FCHO2: variants seen among roughly 807,000 people sequenced by gnomAD.
The protein encoded by FCHO2 is F-BAR domain only protein 2.
Under a neutral mutation model 114.1 loss-of-function variants are expected in FCHO2, and 43 were observed. That is an observed-to-expected ratio of 0.38 (90% CI 0.30 to 0.49). The LOEUF (loss-of-function observed/expected upper bound fraction) is 0.49, where lower values mean the gene tolerates loss of function less well. FCHO2 is among the 20% of genes least tolerant of loss of function. FCHO2 has a pLI of 0.97. For missense variants in FCHO2, 807 were observed against 950.4 expected, an observed-to-expected ratio of 0.85 and a Z score of 1.98; for synonymous variants, 293 against 315.2, an observed-to-expected ratio of 0.93 and a Z score of 0.75.
At chr5:73,003,962 C>T (rs1249800975) in intron 5 of FCHO2, among the ~76,000 whole-genome samples, 1 of 148,268 alleles carries the variant, frequency 6.7e-6, no homozygotes, top group African/African-American at 2.5e-5. Context: ...GCAGGAGAAG[C>T]GCTTGAATCC....
intron 16 of FCHO2, among the ~76,000 whole-genome samples, chr5:73,056,345 T>C (rs1228550213): frequency 1.3e-5 from 2 of 152,180 alleles, no homozygotes; most frequent in African/African-American, 4.8e-5. Context: ...TTAGGGTTCA[T>C]TCTTGGTGTT....
At chr5:73,025,427 G>C (rs893498333) in intron 8 of FCHO2, among the ~76,000 whole-genome samples, 1 of 147,154 alleles carries the variant, frequency 6.8e-6, no homozygotes, top group South Asian at 2.2e-4. Context: ...TGCCCAGGCT[G>C]GAGTGCAGTG....
Position 73,088,071 on chromosome 5 carries a change from G to T in FCHO2, c.2414G>T (p.Arg805Leu). ...AGGTCTGCTTGGCGTTTTTCAGGAC[G>T]ATACCTGGCGGATTGTTGATGGACC... ...SLIKKRFATG[R>L]YLADC The change falls in exon 26 of 26, where the codon CGA (arginine) becomes CTA (leucine). Residue 805 changes from arginine to leucine, a missense_variant. Coordinates refer to ENST00000430046, the MANE Select transcript of FCHO2 (RefSeq NM_138782.3). 3.1e-6 allele frequency: 5 copies of T among 1,613,496 alleles called. No homozygotes were observed. The highest frequency in any genetic ancestry group is 2.2e-5 in the East Asian group (1 of 44,856).
chr5:73,052,938 C>A, intron 13 of FCHO2: 1 of 153,598 alleles, frequency 6.5e-6, no homozygotes, highest in Non-Finnish European at 1.4e-5. Flanking sequence ...ACTTTTCATA[C>A]AAGGAAAGGC....
rs1418339472 is a variant in FCHO2, at chr5:73,085,970, G to A, written c.2246-1619G>A. ...AAACCCTGTCTCTACTAAAAATACA[G>A]AATTAGCCAGGCATGGTGGTGTGCG... is the stretch of plus-strand genomic sequence containing the variant. On this transcript the variant is annotated intron_variant, in intron 24 of 25. Coordinates refer to ENST00000430046, the MANE Select transcript of FCHO2 (RefSeq NM_138782.3). 3.3e-5 allele frequency among the ~76,000 whole-genome samples: 5 copies of A among 150,608 alleles called. No individual in the cohort carries two copies. In the East Asian group the frequency reaches 9.9e-4, roughly 30 times the overall value.
chr5:73,056,125 A>G lies in FCHO2; in HGVS notation c.1253+18A>G, dbSNP rs1243825691. 7 of 1,520,026 alleles carry G rather than the reference A, an allele frequency of 4.6e-6. No homozygotes were observed. The highest frequency in any genetic ancestry group is 6.2e-6 in the Non-Finnish European group (7 of 1,134,286). The allele number at this position is 1,520,026 out of a possible 1,614,324, so 94.2% of individuals were successfully genotyped here. A position where few individuals can be genotyped will look rare whatever the true frequency, so the allele number is the denominator to read the frequency against. Reference sequence around the variant, plus strand: ...CCCAATGAGTAAGTTTCCATGTTTAATTTTGTTAAAAAATAGACTTTATTT... The same window carrying G: ...CCCAATGAGTAAGTTTCCATGTTTAGTTTTGTTAAAAAATAGACTTTATTT... On this transcript the variant is annotated intron_variant, in intron 16 of 25. Coordinates refer to ENST00000430046, the MANE Select transcript of FCHO2 (RefSeq NM_138782.3).
At chr5:73,040,792 G>A (rs564489681) in intron 10 of FCHO2, among the ~76,000 whole-genome samples, 77 of 152,280 alleles carry the variant, frequency 5.1e-4, no homozygotes, top group African/African-American at 1.8e-3. Flanking sequence ...TGAAACTGAA[G>A]TGTTTAAAAA....
At chr5:73,064,224 C>T (rs530008437) in intron 18 of FCHO2, among the ~76,000 whole-genome samples, 3 of 151,990 alleles carry the variant, frequency 2.0e-5, no homozygotes, top group Non-Finnish European at 4.4e-5. Context: ...AATAAAGAAG[C>T]GGTTTTCATA....
intron 6 of FCHO2, among the ~76,000 whole-genome samples, chr5:73,013,088 G>T (rs924355272): frequency 6.6e-6 from 1 of 152,184 alleles, no homozygotes; most frequent in East Asian, 1.9e-4. Flanking sequence ...ATGCTCCTCA[G>T]TTCTTGAGAG....
intron 8 of FCHO2, among the ~76,000 whole-genome samples, chr5:73,019,516 G>A (rs1457572572): frequency 1.3e-5 from 2 of 152,152 alleles, no homozygotes; most frequent in African/African-American, 4.8e-5. Flanking sequence ...ACTCCAGCCT[G>A]GGTGACAGAG....
intron 5 of FCHO2, among the ~76,000 whole-genome samples, chr5:72,993,264 T>G (rs576107999): frequency 6.6e-6 from 1 of 152,108 alleles, no homozygotes; most frequent in East Asian, 1.9e-4. Context: ...ATTGAACTTT[T>G]TAAAAAGCAA....
intron 22 of FCHO2, among the ~76,000 whole-genome samples, chr5:73,080,604 T>C (rs144348433): frequency 5.3e-5 from 8 of 152,306 alleles, no homozygotes; most frequent in African/African-American, 1.7e-4. Flanking sequence ...TTCCAAGGGA[T>C]AAATTTCCTA....
At chr5:73,065,299 T>C (rs1037082348) in intron 18 of FCHO2, among the ~76,000 whole-genome samples, 3 of 151,998 alleles carry the variant, frequency 2.0e-5, no homozygotes, top group African/African-American at 7.2e-5. Context: ...GATTTTTTTT[T>C]CCTGATTGTA....
At chr5:73,072,457 C>T (rs1361477047) in intron 19 of FCHO2, among the ~76,000 whole-genome samples, 1 of 152,026 alleles carries the variant, frequency 6.6e-6, no homozygotes, top group African/African-American at 2.4e-5. Context: ...TTGTTTACTC[C>T]TGTTCGTAGC....
chr5:72,958,394 T>C (rs1751672108), intron 1 of FCHO2, among the ~76,000 whole-genome samples: 1 of 152,246 alleles, frequency 6.6e-6, no homozygotes. Context: ...TTCATTCTTT[T>C]GCAATTGTGT....
rs573472709 is a variant in FCHO2 at position 73,037,147 on chromosome 5, A to G, written c.846A>G (p.Ile282Met). Reference protein sequence around the residue: ...ECDTASAVEGIKPRKRKTFAL... With the variant: ...ECDTASAVEGMKPRKRKTFAL... ...CAATATATATTTATTTTAAAGGTATAAAACCAAGGAAAAGAAAGACCTTTG... is the reference window on the plus strand; with the variant it reads ...CAATATATATTTATTTTAAAGGTATGAAACCAAGGAAAAGAAAGACCTTTG... Residue 282 changes from isoleucine to methionine, a missense_variant, in exon 10 of 26, where the codon ATA (isoleucine) becomes ATG (methionine). Transcript: ENST00000430046. The G allele has an allele frequency of 2.4e-5, 38 of 1,572,798 alleles. No homozygotes were observed. The African/African-American group carries it at 4.8e-4, about 20-fold the overall frequency.
intron 2 of FCHO2, among the ~76,000 whole-genome samples, chr5:72,968,815 C>T (rs2112604107): frequency 6.6e-6 from 1 of 152,212 alleles, no homozygotes; most frequent in South Asian, 2.1e-4. Flanking sequence ...TGGATTCCTT[C>T]TTGAAAATAT....
Position 73,074,806 on chromosome 5 carries a change from C to T in FCHO2, c.1644C>T (p.Ala548=). 6.2e-7 allele frequency: 1 copy of T among 1,612,904 alleles called. No individual in the cohort carries two copies. The highest frequency in any genetic ancestry group is 8.5e-7 in the Non-Finnish European group (1 of 1,179,438). Residue 548 remains alanine, a synonymous_variant, in exon 20 of 26, where the codon GCC becomes GCT. Coordinates refer to ENST00000430046, the MANE Select transcript of FCHO2 (RefSeq NM_138782.3). ...AGGATACCTTACCTGTGGCAGTTGC[C>T]CTTACAGAATCTGTTAATGCCTACT... ...GNQDTLPVAV[A]LTESVNAYFK...
Position 72,956,155 on chromosome 5 carries a change from G to GT in FCHO2, c.33+27dup, listed in dbSNP as rs556718170. ...GTAAGCTTAGGATGTTGGAAGTCGT[G>GT]TGTTTCGAAGTCCAAGGCTTTTGGC... On this transcript the variant is annotated intron_variant, in intron 1 of 25. Transcript: ENST00000430046. The GT allele has an allele frequency of 2.9e-4, 438 of 1,533,332 alleles. 2 individuals are homozygous for GT. In the African/African-American group the frequency reaches 5.8e-3, roughly 20 times the overall value. The allele number at this position is 1,533,332 out of a possible 1,614,324, so 95.0% of individuals were successfully genotyped here.
Sources: gnomAD v4.1 joint callset for allele counts (sites outside exome capture counted in the v4.1 genomes callset) on GRCh38, gnomAD v4.1.1 for gene constraint, MANE v1.5 for transcripts, NCBI Gene and HGNC (gene_info 2026-07-23, HGNC 2026-07-21) for gene names.